The following SEC62 variants were observed in gnomAD, a reference collection of about 807,000 sequenced individuals.
The protein encoded by SEC62 is SEC62 preprotein translocation factor, also known as translocation protein SEC62.
SEC62 carries 10 observed loss-of-function variants against 47.5 expected under a neutral mutation model. That is an observed-to-expected ratio of 0.21 (90% CI 0.13 to 0.36). The LOEUF is 0.36. SEC62 is among the 10% of genes least tolerant of loss of function. The pLI is 1.00. For synonymous variants in SEC62, 136 were observed against 150.5 expected (o/e 0.90, Z 0.71); for missense variants, 327 against 464.1 (o/e 0.70, Z 2.71).
intron 6 of SEC62, among the ~76,000 whole-genome samples, chr3:169,987,293 C>T (rs1258780683): frequency 6.6e-6 from 1 of 152,046 alleles, no homozygotes; most frequent in East Asian, 1.9e-4. Flanking sequence ...GTGGTTCACA[C>T]CTGTAGTCCC....
At chr3:169,988,891 A>T (rs914043359) in intron 7 of SEC62, among the ~76,000 whole-genome samples, 5 of 151,890 alleles carry the variant, frequency 3.3e-5, no homozygotes, top group Non-Finnish European at 5.9e-5. Flanking sequence ...TTTAATTTTG[A>T]CTTAGAACAA....
intron 1 of SEC62, among the ~76,000 whole-genome samples, chr3:169,974,430 G>T (rs1559964261): frequency 6.6e-6 from 1 of 152,164 alleles, no homozygotes; most frequent in Non-Finnish European, 1.5e-5. Flanking sequence ...TCTTCAGTAC[G>T]TGAGTAGGGA....
intron 1 of SEC62, among the ~76,000 whole-genome samples, chr3:169,974,011 G>C (rs1262282183): frequency 4.6e-5 from 7 of 152,220 alleles, no homozygotes; most frequent in Non-Finnish European, 1.5e-5. Flanking sequence ...ACGTAGGTTT[G>C]TTGGTTGTTC....
chr3:169,977,989 G>A (rs571781432), intron 3 of SEC62, among the ~76,000 whole-genome samples: 64 of 152,304 alleles, frequency 4.2e-4, no homozygotes, highest in African/African-American at 1.5e-3. Context: ...TTTAGAAACA[G>A]TAGGTTTCGG....
chr3:169,977,249 A>G (rs1369844138), intron 3 of SEC62, among the ~76,000 whole-genome samples, 198 bp downstream of exon 3: 1 of 151,898 alleles, frequency 6.6e-6, no homozygotes, highest in Non-Finnish European at 1.5e-5. Context: ...TATAATTTTT[A>G]TTTATGTTCT....
chr3:169,967,379 C>T (rs969635181), intron 1 of SEC62, among the ~76,000 whole-genome samples: 3 of 152,182 alleles, frequency 2.0e-5, no homozygotes, highest in African/African-American at 7.2e-5. Context: ...TCAGCTGCCT[C>T]GGGGCCTAGG....
chr3:169,992,913 TGATCGA>T lies in SEC62; in HGVS notation c.1051_1056del (p.Asp351_Arg352del). The T allele has an allele frequency of 6.2e-7, 1 of 1,613,486 alleles. No individual in the cohort carries two copies. The highest frequency in any genetic ancestry group is 1.7e-4 in the Middle Eastern group (1 of 6,060). On this transcript the variant is annotated inframe_deletion, in exon 8 of 8. Transcript: ENST00000337002. This position sits in a 1 kb window ranked among gnomAD's most constrained non-coding sequence, Gnocchi z 4.0. Reference sequence around the variant, plus strand: ...ACACGGACAGTGACAGGAGGGAAGATGATCGATCCCAGCACAGTAGTGGAAATGGAA... The same window carrying T: ...ACACGGACAGTGACAGGAGGGAAGATTCCCAGCACAGTAGTGGAAATGGAA...
At position 169,972,272 on chromosome 3, in the gene SEC62, T is replaced by C. The variant is rs902522779; in HGVS notation, c.37-3336T>C. Reference sequence around the variant, plus strand: ...CTATTCTGCTTTTACACACTTAATCTCCCAGTACTTCCTAGCTTGTCTCTA... The same window carrying C: ...CTATTCTGCTTTTACACACTTAATCCCCCAGTACTTCCTAGCTTGTCTCTA... On this transcript the variant is annotated intron_variant, in intron 1 of 7. Transcript: ENST00000337002. Among the ~76,000 whole-genome samples the C allele has an allele frequency of 8.5e-5, 13 of 152,268 alleles. No homozygotes were observed. In the South Asian group the frequency reaches 2.7e-3, roughly 32 times the overall value.
At chr3:169,990,250 T>C (rs1715212663) in intron 7 of SEC62, among the ~76,000 whole-genome samples, 1 of 151,850 alleles carries the variant, frequency 6.6e-6, no homozygotes, top group Admixed American at 6.6e-5. Context: ...TATAGGAGCA[T>C]GTTGCCATGC....
At chr3:169,980,941 T>C (rs1211859272) in intron 3 of SEC62, among the ~76,000 whole-genome samples, 1 of 152,160 alleles carries the variant, frequency 6.6e-6, no homozygotes, top group Non-Finnish European at 1.5e-5. Flanking sequence ...TGAAAGAAAA[T>C]CTGGAAATCA....
At chr3:169,966,999 G>A in intron 1 of SEC62, 141 bp downstream of exon 1, 1 of 1,030,700 alleles carries the variant, frequency 9.7e-7, no homozygotes, top group Non-Finnish European at 1.4e-6. Context: ...GCAGCTGGCT[G>A]CAGGCTGCGC....
intron 1 of SEC62, among the ~76,000 whole-genome samples, chr3:169,974,484 A>G (rs1714778808): frequency 6.6e-6 from 1 of 152,208 alleles, no homozygotes. Context: ...TCAGAATGAA[A>G]GGGAATAAAG....
rs372566491 is a variant in SEC62 at position 169,993,114 on chromosome 3, A to T, written c.*51A>T. On this transcript the variant is annotated 3_prime_UTR_variant, in exon 8 of 8. Coordinates refer to ENST00000337002, the MANE Select transcript of SEC62 (RefSeq NM_003262.4). The stretch of plus-strand genomic sequence containing the variant: ...ATAAGTACAAGAGGTTGGATTTTCT[A>T]TGTTGGCTGATTACCATATTGAACA... 4.3e-5 allele frequency: 56 copies of T among 1,311,456 alleles called. No individual in the cohort carries two copies. Among genetic ancestry groups the T allele is most frequent in the Non-Finnish European group, 5.7e-5 (55 of 963,086 alleles). The allele number at this position is 1,311,456 out of a possible 1,614,324, so 81.2% of individuals were successfully genotyped here. A position where few individuals can be genotyped will look rare whatever the true frequency, so the allele number is the denominator to read the frequency against.
Position 169,993,027 on chromosome 3 carries a change from T to C in SEC62, c.1164T>C (p.Asp388=), listed in dbSNP as rs376620236. ...AAGAGGATGAGGAAGAGGAAAATGA[T>C]GGAGAAACACCTAAATCTTCACATG... ...DCEEDEEEEN[D]GETPKSSHEK... The change falls in exon 8 of 8, where the codon GAT becomes GAC. Residue 388 remains aspartate (D), a synonymous_variant. Coordinates refer to ENST00000337002, the MANE Select transcript of SEC62 (RefSeq NM_003262.4). 18 of 1,610,430 alleles carry C rather than the reference T, an allele frequency of 1.1e-5. No homozygotes were observed. Among genetic ancestry groups the C allele is most frequent in the Non-Finnish European group, 1.5e-5 (18 of 1,178,544 alleles).
chr3:169,994,875 T>G lies in SEC62; in HGVS notation c.*1812T>G, dbSNP rs763536114. 6.6e-6 allele frequency: 1 copy of G among 152,186 alleles called. No homozygotes were observed. The highest frequency in any genetic ancestry group is 6.5e-5 in the Admixed American group (1 of 15,270). 9.4% of individuals were successfully genotyped at this position (152,186 alleles called of 1,614,324 possible). On this transcript the variant is annotated 3_prime_UTR_variant, in exon 8 of 8. Coordinates refer to ENST00000337002, the MANE Select transcript of SEC62 (RefSeq NM_003262.4). ...GTAATTTGTCTAGTCTTAAAGACAT[T>G]TGGAGCATGGCCAACAGGAAGGTCA...
intron 4 of SEC62, 122 bp from the exon 5 acceptor site, chr3:169,983,039 T>A: frequency 6.8e-7 from 1 of 1,476,960 alleles, no homozygotes; most frequent in South Asian, 1.4e-5. Context: ...TTGTTATAAA[T>A]ACCGTGGTTG....
At chr3:169,970,709 T>C (rs1393997249) in intron 1 of SEC62, among the ~76,000 whole-genome samples, 1 of 152,220 alleles carries the variant, frequency 6.6e-6, no homozygotes, top group Admixed American at 6.5e-5. Context: ...CCAGCCTAAA[T>C]TTATTGGCTC....
intron 7 of SEC62, among the ~76,000 whole-genome samples, chr3:169,991,945 A>G (rs1300366030): frequency 6.6e-6 from 1 of 152,242 alleles, no homozygotes; most frequent in Non-Finnish European, 1.5e-5. Flanking sequence ...TGTACAGAAA[A>G]TATAGTCATA....
chr3:169,979,885 A>G (rs1274966006), intron 3 of SEC62, among the ~76,000 whole-genome samples: 1 of 152,178 alleles, frequency 6.6e-6, no homozygotes, highest in Non-Finnish European at 1.5e-5. Context: ...CTCCATAGCA[A>G]TTACCACAGT....
Sources: allele counts gnomAD v4.1 joint callset (sites outside exome capture counted in the v4.1 genomes callset), GRCh38; gene constraint gnomAD v4.1.1; non-coding constraint Gnocchi (gnomAD v3.1); transcripts MANE v1.5; gene names NCBI Gene and HGNC (gene_info 2026-07-23, HGNC 2026-07-21).